The following C2orf49 variants were observed in gnomAD, a reference collection of about 807,000 sequenced individuals.
C2orf49 encodes the protein tRNA-splicing ligase complex subunit ASW.
A neutral mutation model predicts 20.6 loss-of-function variants in C2orf49; 11 were observed. The observed-to-expected ratio is 0.53, with a 90% CI of 0.34 to 0.88. The LOEUF (loss-of-function observed/expected upper bound fraction) is 0.88, where lower values mean the gene tolerates loss of function less well. C2orf49 is among the 40% of genes least tolerant of loss of function. The probability of loss-of-function intolerance (pLI) is 0.02; values close to 1 mark genes in which losing one functional copy is unlikely to be tolerated. For missense variants in C2orf49, 289 were observed against 274.2 expected, an observed-to-expected ratio of 1.05 and a Z score of -0.38; for synonymous variants, 134 against 108.5, an observed-to-expected ratio of 1.24 and a Z score of -1.46.
the C2orf49 span, chr2:105,373,425 T>C: frequency 3.5e-6 from 3 of 861,004 alleles, no homozygotes; most frequent in Non-Finnish European, 5.7e-6. Context: ...TAAATACTCC[T>C]CTGCAGTTCA....
At chr2:105,366,117 G>A in the C2orf49 span, among the ~76,000 whole-genome samples, 1 of 152,056 alleles carries the variant, frequency 6.6e-6, no homozygotes, top group African/African-American at 2.4e-5. Flanking sequence ...GCTGAGGCAG[G>A]AGAAATTGCT....
At chr2:105,341,174 G>T (rs1157115671) in intron 2 of C2orf49, among the ~76,000 whole-genome samples, 1 of 152,094 alleles carries the variant, frequency 6.6e-6, no homozygotes, top group African/African-American at 2.4e-5. Context: ...ATTTACTTTT[G>T]CTGTTATTCA....
chr2:105,343,763 C>T (rs984713657), intron 3 of C2orf49, among the ~76,000 whole-genome samples: 2 of 152,046 alleles, frequency 1.3e-5, no homozygotes, highest in African/African-American at 2.4e-5. Flanking sequence ...TGTTGTGCTC[C>T]ACTATGTTGA....
the C2orf49 span, among the ~76,000 whole-genome samples, chr2:105,377,189 G>A: frequency 6.6e-6 from 1 of 152,146 alleles, no homozygotes; most frequent in African/African-American, 2.4e-5. Flanking sequence ...GCTTGATGGG[G>A]GTAGTATTTC....
chr2:105,365,032 ATC>A, the C2orf49 span, among the ~76,000 whole-genome samples: 5 of 152,316 alleles, frequency 3.3e-5, no homozygotes, highest in South Asian at 2.1e-4. Context: ...TGTGTAAGAC[ATC>A]TCTGCCTGCA....
chr2:105,351,210 CT>C (rs1373899246), downstream of C2orf49, among the ~76,000 whole-genome samples: 2 of 150,054 alleles, frequency 1.3e-5, no homozygotes, highest in Non-Finnish European at 3.0e-5. Flanking sequence ...CATGATACTA[CT>C]TTTGAGGTTA....
chr2:105,368,210 C>T, the C2orf49 span, among the ~76,000 whole-genome samples: 1 of 152,186 alleles, frequency 6.6e-6, no homozygotes, highest in Non-Finnish European at 1.5e-5. Flanking sequence ...CCTGGAACCT[C>T]GAACCTGATT....
rs1299373287 is a variant in C2orf49, at chr2:105,342,926, GA to G, written c.350del (p.Lys117ArgfsTer10). 6.2e-7 allele frequency: 1 copy of G among 1,614,182 alleles called. No homozygotes were observed. The highest frequency in any genetic ancestry group is 2.2e-5 in the East Asian group (1 of 44,886). The stretch of plus-strand genomic sequence containing the variant: ...GTTCAACAAGTACAAGCATAAAAGT[GA>G]AAAAGACAGAGAATGGAGATAATGA... ...GSSTSTSIKV[K>X]KTENGDNDRL... is the part of the protein sequence containing the mutation. On this transcript the variant is annotated frameshift_variant, in exon 3 of 4. Coordinates refer to ENST00000258457, the MANE Select transcript of C2orf49 (RefSeq NM_024093.3). LOFTEE classifies it high-confidence loss of function.
the C2orf49 span, chr2:105,373,635 G>A: frequency 6.2e-7 from 1 of 1,614,220 alleles, no homozygotes; most frequent in African/African-American, 1.3e-5. Flanking sequence ...AGAGCAGCTG[G>A]TCCTCCTTGG....
chr2:105,341,009 C>G (rs1390701830), intron 2 of C2orf49, among the ~76,000 whole-genome samples: 1 of 152,198 alleles, frequency 6.6e-6, no homozygotes, highest in Non-Finnish European at 1.5e-5. Flanking sequence ...CATGTCTGCT[C>G]ATTGTCTTTT....
the C2orf49 span, chr2:105,359,003 T>C: frequency 6.6e-6 from 1 of 152,230 alleles, no homozygotes; most frequent in Non-Finnish European, 1.5e-5. Context: ...GGGCCTGCCA[T>C]TGGATAAAAG....
the C2orf49 span, chr2:105,363,529 C>T: frequency 4.9e-3 from 7,198 of 1,464,654 alleles, 22 homozygotes; most frequent in Middle Eastern, 0.022. Context: ...CATCTTCAGT[C>T]TCAGCTACTG....
chr2:105,369,198 G>T, the C2orf49 span, among the ~76,000 whole-genome samples: 1 of 152,190 alleles, frequency 6.6e-6, no homozygotes, highest in Non-Finnish European at 1.5e-5. Flanking sequence ...GGAATGATGG[G>T]GAATCAAGCC....
At chr2:105,361,257 C>T in the C2orf49 span, 1 of 1,597,910 alleles carries the variant, frequency 6.3e-7, no homozygotes, top group Non-Finnish European at 8.5e-7. Context: ...TGTGAGATCA[C>T]AAGCAGCAAC....
the C2orf49 span, chr2:105,363,241 A>G: frequency 6.3e-7 from 1 of 1,599,786 alleles, no homozygotes; most frequent in Non-Finnish European, 8.6e-7. Flanking sequence ...GGCCTTGTTC[A>G]AGCTTCCAAT....
the C2orf49 span, among the ~76,000 whole-genome samples, chr2:105,379,544 C>T: frequency 6.6e-6 from 1 of 152,182 alleles, no homozygotes; most frequent in African/African-American, 2.4e-5. Flanking sequence ...TATAGATGAG[C>T]AGATTCAATG....
In C2orf49 at chr2:105,343,020, T is replaced by C. The variant is rs371665299; in HGVS notation, c.439T>C (p.Ser147Pro). 3.0e-5 allele frequency: 48 copies of C among 1,614,226 alleles called. No homozygotes were observed. The Middle Eastern group carries it at 4.9e-4, about 17-fold the overall frequency. ...NAFRKLSNSSSSVSPLILSSN... is the reference protein window; with the variant it reads ...NAFRKLSNSSPSVSPLILSSN... ...CTTTAGAAAATTATCAAATTCCTCT[T>C]CGAGTGTTTCACCCCTAATTTTGTC... Residue 147 changes from serine to proline, a missense_variant, in exon 3 of 4, where the codon TCG becomes CCG. Transcript: ENST00000258457.
At chr2:105,355,007 A>G in the C2orf49 span, among the ~76,000 whole-genome samples, 1 of 152,240 alleles carries the variant, frequency 6.6e-6, no homozygotes, top group African/African-American at 2.4e-5. Flanking sequence ...CCAGAGAAGC[A>G]GGCAATCTTG....
the C2orf49 span, among the ~76,000 whole-genome samples, chr2:105,373,084 A>G: frequency 2.6e-5 from 4 of 152,148 alleles, no homozygotes; most frequent in African/African-American, 9.7e-5. Flanking sequence ...CGTCTAGAAC[A>G]CCAACTCTAC....
Sources: allele counts gnomAD v4.1 joint callset (sites outside exome capture counted in the v4.1 genomes callset), GRCh38; gene constraint gnomAD v4.1.1; transcripts MANE v1.5; gene names NCBI Gene and HGNC (gene_info 2026-07-23, HGNC 2026-07-21).